GRIP1: variants seen among roughly 807,000 people sequenced by gnomAD.
GRIP1 encodes the protein glutamate receptor interacting protein 1.
In GRIP1, 45 loss-of-function variants were observed where a neutral mutation model predicts 129.9. That is an observed-to-expected ratio of 0.35 (90% confidence interval 0.27 to 0.44). The LOEUF (loss-of-function observed/expected upper bound fraction) is 0.44, where lower values mean the gene tolerates loss of function less well. Among genes scored for constraint, GRIP1 ranks in the 20% least tolerant of loss-of-function variants. GRIP1 has a pLI of 1.00. For synonymous variants in GRIP1, 530 were observed against 520.8 expected (o/e 1.02, Z -0.24); for missense variants, 1,196 against 1,396.8 (o/e 0.86, Z 2.29).
intron 1 of GRIP1, among the ~76,000 whole-genome samples, chr12:66,657,730 G>T (rs1473906824): frequency 1.3e-5 from 2 of 152,082 alleles, no homozygotes; most frequent in Admixed American, 6.5e-5. Flanking sequence ...CCTTTCCACT[G>T]CATTTTAAAG....
At chr12:66,525,350 T>A (rs1203646938) in intron 5 of GRIP1, among the ~76,000 whole-genome samples, 4 of 152,190 alleles carry the variant, frequency 2.6e-5, no homozygotes, top group Non-Finnish European at 5.9e-5. Context: ...GTGGGCTTCA[T>A]CCCTGGGATG....
At chr12:66,580,464 A>T (rs915389775) in intron 2 of GRIP1, among the ~76,000 whole-genome samples, 1 of 152,204 alleles carries the variant, frequency 6.6e-6, no homozygotes, top group African/African-American at 2.4e-5. Flanking sequence ...CAGACTGGCA[A>T]ATTGGCTAAA....
intron 19 of GRIP1, among the ~76,000 whole-genome samples, chr12:66,381,814 T>C (rs1269418869): frequency 6.6e-6 from 1 of 152,220 alleles, no homozygotes; most frequent in Non-Finnish European, 1.5e-5. Flanking sequence ...TATTAAATGA[T>C]TATTGCATTA....
chr12:66,999,631 T>C (rs748198982), intron 1 of GRIP1, among the ~76,000 whole-genome samples: 11 of 152,134 alleles, frequency 7.2e-5, no homozygotes, highest in Non-Finnish European at 1.5e-4. Flanking sequence ...GCAAAGGGTA[T>C]TAACCATCAC....
chr12:66,392,907 A>C (rs1333223116), intron 17 of GRIP1, 91 bp from the exon 18 acceptor site: 11 of 1,247,036 alleles, frequency 8.8e-6, no homozygotes, highest in Non-Finnish European at 1.3e-5. Flanking sequence ...CATTCATCAT[A>C]ATAAAGACTT....
intron 1 of GRIP1, among the ~76,000 whole-genome samples, chr12:66,960,796 CA>C (rs1333198703): frequency 6.6e-6 from 1 of 152,104 alleles, no homozygotes; most frequent in Admixed American, 6.6e-5. Flanking sequence ...CAAGATTACC[CA>C]GACCAAAATG....
chr12:66,580,590 A>T (rs1441195945), intron 2 of GRIP1, among the ~76,000 whole-genome samples: 1 of 149,354 alleles, frequency 6.7e-6, no homozygotes, highest in Non-Finnish European at 1.5e-5. Context: ...AAAACAAAAA[A>T]AGGCAGGGGT....
chr12:66,606,635 TAATTCCATTTTAC>T (rs1227868478), intron 1 of GRIP1, among the ~76,000 whole-genome samples: 2 of 152,192 alleles, frequency 1.3e-5, no homozygotes, highest in Non-Finnish European at 2.9e-5. Context: ...ACAAAACAGA[TAATTCCATTTTAC>T]AAAAGGAGTA....
intron 1 of GRIP1, among the ~76,000 whole-genome samples, chr12:67,042,984 T>C (rs1340836116): frequency 6.6e-6 from 1 of 152,158 alleles, no homozygotes. Context: ...CAATTTGGAA[T>C]GACAAAGGAT....
At chr12:67,066,976 A>T (rs1168353603) in intron 1 of GRIP1, among the ~76,000 whole-genome samples, 2 of 150,026 alleles carry the variant, frequency 1.3e-5, no homozygotes, top group African/African-American at 2.4e-5. Flanking sequence ...AAACAAAACC[A>T]TATATTTGTC....
At chr12:66,690,584 G>A (rs1233755860) in intron 1 of GRIP1, among the ~76,000 whole-genome samples, 1 of 151,282 alleles carries the variant, frequency 6.6e-6, no homozygotes, top group Non-Finnish European at 1.5e-5. Context: ...TAATTTTTTA[G>A]ACCAAGCACG....
intron 1 of GRIP1, among the ~76,000 whole-genome samples, chr12:66,946,788 G>A (rs1280919277): frequency 3.8e-5 from 5 of 131,356 alleles, no homozygotes; most frequent in Admixed American, 1.5e-4. Flanking sequence ...TGGGGGATGG[G>A]GGGGGTGTGG....
intron 15 of GRIP1, among the ~76,000 whole-genome samples, chr12:66,413,514 G>A (rs944135511): frequency 5.9e-5 from 9 of 152,148 alleles, no homozygotes; most frequent in African/African-American, 2.2e-4. Context: ...TTCTAACAGA[G>A]GTACAAAGAT....
chr12:66,603,974 G>T (rs1385958255), intron 1 of GRIP1, among the ~76,000 whole-genome samples: 1 of 152,186 alleles, frequency 6.6e-6, no homozygotes, highest in African/African-American at 2.4e-5. Flanking sequence ...GCTAGTAAAG[G>T]TCAAATGAAA....
chr12:66,804,580 G>A (rs758443023), upstream of GRIP1, among the ~76,000 whole-genome samples: 13 of 152,080 alleles, frequency 8.5e-5, no homozygotes, highest in Non-Finnish European at 1.8e-4. Context: ...CCCAGCACGA[G>A]AATTTCACTA....
At chr12:66,362,905 A>C (rs2054862550) in intron 23 of GRIP1, among the ~76,000 whole-genome samples, 1 of 151,748 alleles carries the variant, frequency 6.6e-6, no homozygotes, top group Admixed American at 6.5e-5. Flanking sequence ...CGTGGATGGC[A>C]ACTTGTAGAA....
intron 1 of GRIP1, among the ~76,000 whole-genome samples, chr12:66,959,403 G>T (rs2041890259): frequency 6.6e-6 from 1 of 151,992 alleles, no homozygotes; most frequent in Non-Finnish European, 1.5e-5. Context: ...AAAAAAAGCG[G>T]GTGATGTATT....
intron 1 of GRIP1, among the ~76,000 whole-genome samples, chr12:67,034,936 T>A (rs1050149177): frequency 6.6e-6 from 1 of 152,174 alleles, no homozygotes; most frequent in Non-Finnish European, 1.5e-5. Context: ...AAAAAACCAA[T>A]TTGTCCAAAT....
intron 1 of GRIP1, among the ~76,000 whole-genome samples, chr12:66,836,289 C>T (rs972325920): frequency 5.3e-5 from 8 of 152,272 alleles, no homozygotes; most frequent in Middle Eastern, 3.4e-3. Context: ...AGGAACCTCA[C>T]AACCTCATCT....
Sources: allele counts gnomAD v4.1 joint callset (sites outside exome capture counted in the v4.1 genomes callset), GRCh38; gene constraint gnomAD v4.1.1; transcripts MANE v1.5; gene names NCBI Gene and HGNC (gene_info 2026-07-23, HGNC 2026-07-21).